UNC13B: variants seen among roughly 807,000 people sequenced by gnomAD.
UNC13B encodes protein unc-13 homolog B.
In UNC13B, 144 loss-of-function variants were observed where a neutral mutation model predicts 211.0. The ratio of observed to expected loss-of-function variants is 0.68; its 90% CI spans 0.60 to 0.78. The LOEUF (loss-of-function observed/expected upper bound fraction) is 0.78. UNC13B is among the 30% of genes least tolerant of loss of function. UNC13B has a pLI of 0.00. For missense variants in UNC13B, 1,777 were observed against 2,002.0 expected, an observed-to-expected ratio of 0.89 and a Z score of 2.14; for synonymous variants, 709 against 725.8, an observed-to-expected ratio of 0.98 and a Z score of 0.37.
At chr9:35,355,555 T>C (rs968059415) in intron 11 of UNC13B, among the ~76,000 whole-genome samples, 4 of 152,226 alleles carry the variant, frequency 2.6e-5, no homozygotes, top group Non-Finnish European at 5.9e-5. Context: ...TGTCCCACCA[T>C]AAGTCTTTCA....
intron 22 of UNC13B, chr9:35,384,526 A>T (rs931626868): frequency 1.0e-6 from 1 of 985,458 alleles, no homozygotes; most frequent in Non-Finnish European, 1.2e-6. Flanking sequence ...GTTAGTTTTT[A>T]TAGACAGTTG....
intron 5 of UNC13B, among the ~76,000 whole-genome samples, chr9:35,239,690 C>CA (rs1237687009): frequency 1.3e-5 from 2 of 152,132 alleles, no homozygotes; most frequent in African/African-American, 4.8e-5. Flanking sequence ...CCGTAAAAGA[C>CA]AGACGTCCCC....
chr9:35,226,062 C>A (rs571492944), intron 1 of UNC13B, among the ~76,000 whole-genome samples: 1 of 152,238 alleles, frequency 6.6e-6, no homozygotes, highest in East Asian at 1.9e-4. Context: ...CTCTGGAGAA[C>A]TGTCCTGCAT....
At chr9:35,396,364 T>G (rs1835875364) in intron 26 of UNC13B, 112 bp from the exon 27 acceptor site, 1 of 1,403,288 alleles carries the variant, frequency 7.1e-7, no homozygotes, top group Non-Finnish European at 9.8e-7. Context: ...GGAGTCACCC[T>G]TGTCCTAAGA....
At chr9:35,162,483 C>T (rs1820833575) in intron 1 of UNC13B, among the ~76,000 whole-genome samples, 178 bp downstream of exon 1, 1 of 152,186 alleles carries the variant, frequency 6.6e-6, no homozygotes, top group African/African-American at 2.4e-5. Flanking sequence ...CTTGTTTTCC[C>T]CCAAGCTCCT....
Position 35,192,420 on chromosome 9 carries a change from T to C in UNC13B, c.22+30115T>C, listed in dbSNP as rs184342502. Among the ~76,000 whole-genome samples, 295 of 152,374 alleles carry C rather than the reference T, an allele frequency of 1.9e-3. 1 individual carries two copies. Among genetic ancestry groups the C allele is most frequent in the African/African-American group, 6.2e-3 (259 of 41,594 alleles). On this transcript the variant is annotated intron_variant, in intron 1 of 39. Transcript: ENST00000635942. ...TCTGCAGAACTGCCTGTTTTTCAGC[T>C]GTAGTTTGGGGTTTGGCTTAGAAGC...
rs1248174751 is a variant in UNC13B at position 35,307,138 on chromosome 9, A to G, written c.7734A>G (p.Ser2578=). 1.3e-5 allele frequency: 5 copies of G among 398,926 alleles called. No homozygotes were observed. Among genetic ancestry groups the G allele is most frequent in the Non-Finnish European group, 2.2e-5 (5 of 226,068 alleles). The allele number at this position is 398,926 out of a possible 1,614,324, so 24.7% of individuals were successfully genotyped here. A position where few individuals can be genotyped will look rare whatever the true frequency, so the allele number is the denominator to read the frequency against. ...RMTVVSAKPE[S]DILTDDPKLT... is the part of the protein sequence containing the mutation. The stretch of plus-strand genomic sequence containing the variant: ...CTGTGGTTAGTGCAAAGCCAGAATC[A>G]GATATCTTGACAGATGATCCTAAAC... Residue 2578 remains serine (S), a synonymous_variant, in exon 9 of 40, where the codon TCA becomes TCG. Transcript: ENST00000635942.
chr9:35,259,633 A>G (rs1827135647), intron 7 of UNC13B, among the ~76,000 whole-genome samples: 1 of 152,018 alleles, frequency 6.6e-6, no homozygotes, highest in Non-Finnish European at 1.5e-5. Context: ...TCAAGATCAC[A>G]CAGATTAATT....
intron 11 of UNC13B, among the ~76,000 whole-genome samples, chr9:35,340,151 A>C (rs1831899128): frequency 6.6e-6 from 1 of 152,214 alleles, no homozygotes; most frequent in Admixed American, 6.5e-5. Context: ...GACAGTTTTC[A>C]AGTTATTTTT....
intron 7 of UNC13B, among the ~76,000 whole-genome samples, chr9:35,268,512 G>A (rs1455065828): frequency 1.3e-5 from 2 of 152,080 alleles, no homozygotes; most frequent in African/African-American, 2.4e-5. Context: ...CTAGCTACTC[G>A]GGAGGCTGAG....
chr9:35,375,729 C>G (rs922424054), intron 14 of UNC13B, among the ~76,000 whole-genome samples: 2 of 152,192 alleles, frequency 1.3e-5, no homozygotes, highest in Non-Finnish European at 2.9e-5. Flanking sequence ...GCCTGTAATC[C>G]CAGCACTTTG....
chr9:35,287,800 C>T (rs145359105), intron 7 of UNC13B, among the ~76,000 whole-genome samples: 34 of 152,240 alleles, frequency 2.2e-4, no homozygotes, highest in African/African-American at 7.7e-4. Context: ...TGAAAACTTC[C>T]AAGTCTGTTC....
intron 1 of UNC13B, among the ~76,000 whole-genome samples, chr9:35,221,496 G>A (rs576933371): frequency 3.9e-5 from 6 of 152,298 alleles, no homozygotes; most frequent in African/African-American, 1.2e-4. Flanking sequence ...CTTGTCAGAA[G>A]AATAGTTTGC....
At chr9:35,352,061 A>G (rs768121147) in intron 11 of UNC13B, 9 of 1,232,070 alleles carry the variant, frequency 7.3e-6, no homozygotes, top group African/African-American at 1.6e-5. Flanking sequence ...TGAAGTCTCT[A>G]GCTGTGTAGA....
chr9:35,175,699 T>C (rs1821584556), intron 1 of UNC13B, among the ~76,000 whole-genome samples: 1 of 151,990 alleles, frequency 6.6e-6, no homozygotes. Flanking sequence ...ATTCAGAAGT[T>C]CTGCAGTGAA....
chr9:35,372,404 C>T (rs1249500766), intron 13 of UNC13B, among the ~76,000 whole-genome samples: 1 of 152,272 alleles, frequency 6.6e-6, no homozygotes, highest in African/African-American at 2.4e-5. Context: ...CCATGTGCCT[C>T]TCCAGGGGCT....
intron 1 of UNC13B, among the ~76,000 whole-genome samples, chr9:35,185,135 G>A (rs1186032852): frequency 6.6e-6 from 1 of 152,088 alleles, no homozygotes; most frequent in Non-Finnish European, 1.5e-5. Flanking sequence ...TTTTGTTATA[G>A]CAAGAAGGCT....
intron 5 of UNC13B, among the ~76,000 whole-genome samples, chr9:35,238,793 A>G (rs1258577506): frequency 6.6e-6 from 1 of 151,992 alleles, no homozygotes; most frequent in East Asian, 1.9e-4. Flanking sequence ...CCTGACCTCA[A>G]ACGATCCGCC....
intron 6 of UNC13B, among the ~76,000 whole-genome samples, chr9:35,245,146 C>T (rs1171670307): frequency 6.6e-6 from 1 of 151,938 alleles, no homozygotes; most frequent in East Asian, 1.9e-4. Context: ...CTTTGTTTTC[C>T]TAGTAAAGAA....
Sources: gnomAD v4.1 joint callset for allele counts (sites outside exome capture counted in the v4.1 genomes callset) on GRCh38, gnomAD v4.1.1 for gene constraint, MANE v1.5 for transcripts, NCBI Gene and HGNC (gene_info 2026-07-23, HGNC 2026-07-21) for gene names.